Variants in TMED5 observed in about 807,000 individuals in gnomAD.
The protein encoded by TMED5 is transmembrane p24 trafficking protein 5, also known as transmembrane emp24 domain-containing protein 5.
TMED5 carries 27 observed loss-of-function variants against 23.0 expected under a neutral mutation model. That is an observed-to-expected ratio of 1.17 (90% confidence interval 0.86 to 1.62). TMED5 has a LOEUF of 1.62. TMED5 is among the 40% of genes most tolerant of loss of function. The pLI is 0.00. For missense variants in TMED5, 248 were observed against 273.7 expected, an observed-to-expected ratio of 0.91 and a Z score of 0.66; for synonymous variants, 97 against 100.8, an observed-to-expected ratio of 0.96 and a Z score of 0.23.
chr1:93,160,441 C>G (rs758483778), intron 1 of TMED5: 8 of 410,828 alleles, frequency 1.9e-5, no homozygotes, highest in Non-Finnish European at 3.1e-5. Flanking sequence ...TCACCATCAC[C>G]TAAATTTAGG....
chr1:93,163,349 T>G (rs1487631474), intron 1 of TMED5: 1 of 149,936 alleles, frequency 6.7e-6, no homozygotes, highest in East Asian at 2.0e-4. Flanking sequence ...AAATATACTT[T>G]TTTTTTTTTT....
At chr1:93,158,582 G>T (rs2749735) in intron 2 of TMED5, among the ~76,000 whole-genome samples, 123,302 of 149,112 alleles carry the variant, frequency 0.83, 51,113 homozygotes, top group East Asian at 1. Flanking sequence ...TTTTAGTTTT[G>T]TTTTTTTTTT....
intron 1 of TMED5, among the ~76,000 whole-genome samples, chr1:93,168,103 G>A (rs1371464252): frequency 6.6e-6 from 1 of 152,024 alleles, no homozygotes; most frequent in African/African-American, 2.4e-5. Context: ...GCATCCCAGG[G>A]ACAAATTCCA....
intron 1 of TMED5, among the ~76,000 whole-genome samples, chr1:93,167,484 G>A (rs551502455): frequency 9.9e-5 from 15 of 151,574 alleles, no homozygotes; most frequent in Admixed American, 2.0e-4. Context: ...TCATTTTTTC[G>A]GCTAATTCTT....
At chr1:93,157,178 G>C (rs1648103540) in intron 2 of TMED5, among the ~76,000 whole-genome samples, 1 of 152,202 alleles carries the variant, frequency 6.6e-6, no homozygotes, top group African/African-American at 2.4e-5. Flanking sequence ...TTCAAAAGCA[G>C]TGATGGATTG....
At position 93,180,386 on chromosome 1, in the gene TMED5, T is replaced by G. The variant is rs557602847; in HGVS notation, c.-144A>C. The G allele has an allele frequency of 4.0e-5, 50 of 1,250,086 alleles. 1 individual carries two copies. The Admixed American group carries it at 7.6e-4, about 19-fold the overall frequency. 77.4% of individuals were successfully genotyped at this position (1,250,086 alleles called of 1,614,324 possible). On this transcript the variant is annotated 5_prime_UTR_variant, in exon 1 of 4. Coordinates refer to ENST00000370282, the MANE Select transcript of TMED5 (RefSeq NM_016040.5). ...TGGCGGCCGCGGCGGCGGCGAACAC[T>G]CCCTCCGAAAGAGAAGCGCAGTTCT...
chr1:93,163,813 T>TAA (rs112859271), intron 1 of TMED5, among the ~76,000 whole-genome samples: 1 of 141,656 alleles, frequency 7.1e-6, no homozygotes, highest in Middle Eastern at 3.3e-3. Context: ...CTGTCTCTAA[T>TAA]AAAAAAAAAA....
chr1:93,160,422 C>A, intron 1 of TMED5, 196 bp from the exon 2 acceptor site: 1 of 432,310 alleles, frequency 2.3e-6, no homozygotes. Flanking sequence ...CCTTCCTTAC[C>A]CATTTCTCTC....
At chr1:93,158,198 T>G (rs935647981) in intron 2 of TMED5, among the ~76,000 whole-genome samples, 5 of 151,982 alleles carry the variant, frequency 3.3e-5, no homozygotes, top group African/African-American at 9.7e-5. Context: ...TGAATGTATA[T>G]CCTGGCTTTG....
In TMED5 at chr1:93,180,397, G is replaced by C; in HGVS notation, c.-155C>G. On this transcript the variant is annotated 5_prime_UTR_variant, in exon 1 of 4. Coordinates refer to ENST00000370282, the MANE Select transcript of TMED5 (RefSeq NM_016040.5). ...GCGGCGGCGAACACTCCCTCCGAAA[G>C]AGAAGCGCAGTTCTCCAAAGGGTAG... The C allele has an allele frequency of 1.6e-6, 2 of 1,241,978 alleles. No homozygotes were observed. Among genetic ancestry groups the C allele is most frequent in the African/African-American group, 1.6e-5 (1 of 64,122 alleles). The allele number at this position is 1,241,978 out of a possible 1,614,324, so 76.9% of individuals were successfully genotyped here.
chr1:93,169,466 A>T (rs1377170811), intron 1 of TMED5, among the ~76,000 whole-genome samples: 1 of 152,172 alleles, frequency 6.6e-6, no homozygotes, highest in Non-Finnish European at 1.5e-5. Flanking sequence ...AAGAAGAAAG[A>T]TGTAAAATCA....
At chr1:93,159,383 T>C (rs1379696736) in intron 2 of TMED5, among the ~76,000 whole-genome samples, 1 of 152,116 alleles carries the variant, frequency 6.6e-6, no homozygotes, top group East Asian at 1.9e-4. Context: ...CCAACCCTTG[T>C]TTATAGCAAA....
chr1:93,155,946 T>G, intron 3 of TMED5: 1 of 636,518 alleles, frequency 1.6e-6, no homozygotes, highest in Non-Finnish European at 2.5e-6. Flanking sequence ...TTAGAAAACA[T>G]TTTACTTTTC....
At position 93,156,302 on chromosome 1, in the gene TMED5, G is replaced by T; in HGVS notation, c.469C>A (p.Leu157Met). ...DILDMKLEDI[L>M]ESINSIKSRL... is the part of the protein sequence containing the mutation. ...TTTTATTAGAAGACCATACTGACCA[G>T]GATGTCTTCCAGTTTCATATCCAAT... Residue 157 changes from leucine (L) to methionine (M), a missense_variant and splice_region_variant, in exon 3 of 4, where the codon CTG becomes ATG. Coordinates refer to ENST00000370282, the MANE Select transcript of TMED5 (RefSeq NM_016040.5). 6.2e-7 allele frequency: 1 copy of T among 1,612,394 alleles called. No individual in the cohort carries two copies. The highest frequency in any genetic ancestry group is 1.1e-5 in the South Asian group (1 of 91,036).
intron 1 of TMED5, among the ~76,000 whole-genome samples, chr1:93,163,981 CAAA>C (rs564350861): frequency 3.5e-5 from 2 of 56,490 alleles, no homozygotes; most frequent in African/African-American, 6.8e-5. Flanking sequence ...GACTCCATCT[CAAA>C]AAAAAAAAAA....
chr1:93,175,466 G>A (rs1221893133), intron 1 of TMED5, among the ~76,000 whole-genome samples: 1 of 149,204 alleles, frequency 6.7e-6, no homozygotes, highest in African/African-American at 2.5e-5. Context: ...ATAGATATGT[G>A]TGTGTATGTA....
intron 1 of TMED5, 59 bp downstream of exon 1, chr1:93,179,995 G>A (rs534740152): frequency 2.6e-6 from 4 of 1,531,680 alleles, no homozygotes; most frequent in Admixed American, 1.9e-5. Context: ...ACGGGTGAGA[G>A]GCGACAACGC....
In TMED5 at chr1:93,154,882, T is replaced by TG. The variant is rs779136335; in HGVS notation, c.477dup (p.Ile160HisfsTer19). The TG allele has an allele frequency of 2.5e-6, 4 of 1,579,482 alleles. No homozygotes were observed. Among genetic ancestry groups the TG allele is most frequent in the South Asian group, 2.3e-5 (2 of 86,622 alleles). ...CTTAGTCTGGACTTGATGCTGTTGA[T>TG]GGATTCCTGGAGATAAATAAAATAA... On this transcript the variant is annotated frameshift_variant, in exon 4 of 4. Coordinates refer to ENST00000370282, the MANE Select transcript of TMED5 (RefSeq NM_016040.5). LOFTEE classifies it high-confidence loss of function.
chr1:93,159,445 T>C (rs1648192865), intron 2 of TMED5, among the ~76,000 whole-genome samples: 1 of 152,020 alleles, frequency 6.6e-6, no homozygotes, highest in Admixed American at 6.6e-5. Context: ...AGTTTAAACA[T>C]ATAACAAAAC....
Sources: gnomAD v4.1 joint callset for allele counts (sites outside exome capture counted in the v4.1 genomes callset) on GRCh38, gnomAD v4.1.1 for gene constraint, MANE v1.5 for transcripts, NCBI Gene and HGNC (gene_info 2026-07-23, HGNC 2026-07-21) for gene names.